Variants in C4orf51 observed in about 807,000 individuals in gnomAD.
The protein encoded by C4orf51 is uncharacterized protein C4orf51.
Under a neutral mutation model 25.2 loss-of-function variants are expected in C4orf51, and 25 were observed. That is an observed-to-expected ratio of 0.99 (90% confidence interval 0.72 to 1.39). C4orf51 has a LOEUF of 1.39. Among genes scored for constraint, C4orf51 ranks in the 40% most tolerant of loss-of-function variants. The pLI is 0.00. For missense variants in C4orf51, 252 were observed against 239.6 expected (o/e 1.05, Z -0.34); for synonymous variants, 100 against 84.5 (o/e 1.18, Z -1.01).
chr4:145,763,269 A>G lies in C4orf51; in HGVS notation n.167-7719A>G. ...GGACATTTCTGTGACCCACAGCTCAATCTTTCTTTCACTGCTCAGGCAAAG... is the reference window on the plus strand; with the variant it reads ...GGACATTTCTGTGACCCACAGCTCAGTCTTTCTTTCACTGCTCAGGCAAAG... On this transcript the variant is annotated intron_variant and non_coding_transcript_variant, in intron 1 of 1. Transcript: ENST00000510096. This position sits in a 1 kb window ranked among gnomAD's most constrained non-coding sequence, Gnocchi z 4.6. The G allele has an allele frequency of 1.2e-6, 1 of 837,144 alleles. No individual in the cohort carries two copies. 51.9% of individuals were successfully genotyped at this position (837,144 alleles called of 1,614,324 possible). A position where few individuals can be genotyped will look rare whatever the true frequency, so the allele number is the denominator to read the frequency against.
downstream of C4orf51, among the ~76,000 whole-genome samples, chr4:145,733,177 C>CCCCGGTCCGCCTCTT (rs1332532801): frequency 2.0e-5 from 3 of 152,120 alleles, no homozygotes; most frequent in African/African-American, 4.8e-5. Context: ...CCCCTCCCCT[C>CCCCGGTCCGCCTCTT]CCCGGTCCGC....
At chr4:145,764,151 T>C (rs948299588) in intron 1 of C4orf51, among the ~76,000 whole-genome samples, 3 of 152,266 alleles carry the variant, frequency 2.0e-5, no homozygotes, top group Non-Finnish European at 4.4e-5. Context: ...CATGATCGTT[T>C]AGCTGAGAAT....
chr4:145,708,531 G>A (rs557436228), intron 2 of C4orf51, among the ~76,000 whole-genome samples: 247 of 152,236 alleles, frequency 1.6e-3, no homozygotes, highest in African/African-American at 5.7e-3. Context: ...CATCCTTAGG[G>A]TTCCAGAATG....
intron 2 of C4orf51, among the ~76,000 whole-genome samples, chr4:145,697,992 T>C (rs983277763): frequency 1.3e-5 from 2 of 152,242 alleles, no homozygotes; most frequent in African/African-American, 4.8e-5. Flanking sequence ...ATAACACTTA[T>C]TTTTTAACTT....
chr4:145,767,430 G>C (rs1050183380), intron 1 of C4orf51, among the ~76,000 whole-genome samples: 1 of 152,108 alleles, frequency 6.6e-6, no homozygotes, highest in African/African-American at 2.4e-5. Flanking sequence ...TGGAATCCCT[G>C]GTGGGGTGGG....
chr4:145,693,339 A>G (rs1729739867), intron 1 of C4orf51, among the ~76,000 whole-genome samples: 1 of 150,970 alleles, frequency 6.6e-6, no homozygotes, highest in Non-Finnish European at 1.5e-5. Flanking sequence ...CAGAGAGCAC[A>G]GGGTTGGGGG....
the C4orf51 span, among the ~76,000 whole-genome samples, chr4:145,791,628 TA>T: frequency 2.9e-4 from 44 of 152,336 alleles, no homozygotes; most frequent in Admixed American, 5.9e-4. Context: ...ATAATTTGAA[TA>T]CACATATACT....
chr4:145,742,304 G>A (rs1336816270), intron 1 of C4orf51, among the ~76,000 whole-genome samples: 1 of 152,086 alleles, frequency 6.6e-6, no homozygotes, highest in Non-Finnish European at 1.5e-5. Context: ...CTCATGTGTT[G>A]ACAACTCCTC....
chr4:145,710,900 A>G (rs1731096069), intron 2 of C4orf51, among the ~76,000 whole-genome samples: 1 of 152,148 alleles, frequency 6.6e-6, no homozygotes, highest in Admixed American at 6.5e-5. Context: ...GAAAGCAAAG[A>G]TCACTTGGTG....
intron 2 of C4orf51, among the ~76,000 whole-genome samples, chr4:145,701,907 C>T (rs972677589): frequency 1.6e-4 from 25 of 152,144 alleles, no homozygotes; most frequent in African/African-American, 5.8e-4. Flanking sequence ...ACTACAGCCG[C>T]ATCTCATTGC....
chr4:145,703,618 ATTTG>A, intron 2 of C4orf51, among the ~76,000 whole-genome samples: 1 of 152,144 alleles, frequency 6.6e-6, no homozygotes, highest in Middle Eastern at 3.4e-3. Context: ...ATGTAGTTCC[ATTTG>A]TTTATTTTTG....
In C4orf51 at chr4:145,761,282, C is replaced by T. The variant is rs996900549; in HGVS notation, n.167-9706C>T. ...TCGCAGCTGAAGGTCTGGCGTGGGG[C>T]GTGCTTCAGCTTCTTGTGCAGGTTG... On this transcript the variant is annotated intron_variant and non_coding_transcript_variant, in intron 1 of 1. Coordinates refer to the C4orf51 transcript ENST00000510096. The surrounding 1 kb of genome is among the most constrained non-coding windows in gnomAD (Gnocchi z 6.8). The T allele has an allele frequency of 6.0e-5, 77 of 1,289,780 alleles. No individual in the cohort carries two copies. Among genetic ancestry groups the T allele is most frequent in the East Asian group, 2.2e-4 (4 of 18,030 alleles). 79.9% of individuals were successfully genotyped at this position (1,289,780 alleles called of 1,614,324 possible). A position where few individuals can be genotyped will look rare whatever the true frequency, so the allele number is the denominator to read the frequency against.
intron 2 of C4orf51, among the ~76,000 whole-genome samples, chr4:145,715,294 T>C (rs1260331239): frequency 6.6e-6 from 1 of 152,174 alleles, no homozygotes; most frequent in African/African-American, 2.4e-5. Context: ...AGTCTTTGCC[T>C]CTCTTCCCTG....
intron 1 of C4orf51, among the ~76,000 whole-genome samples, chr4:145,766,817 C>T (rs557147526): frequency 1.3e-5 from 2 of 152,252 alleles, no homozygotes; most frequent in East Asian, 1.9e-4. Flanking sequence ...ACACAATTTA[C>T]AGGGCATTAG....
At chr4:145,697,796 G>C (rs905501154) in intron 2 of C4orf51, among the ~76,000 whole-genome samples, 3 of 152,134 alleles carry the variant, frequency 2.0e-5, no homozygotes, top group African/African-American at 7.2e-5. Context: ...CTTGACTCTT[G>C]TGAATAATGC....
At chr4:145,711,200 T>A (rs1173397924) in intron 2 of C4orf51, among the ~76,000 whole-genome samples, 1 of 152,082 alleles carries the variant, frequency 6.6e-6, no homozygotes, top group African/African-American at 2.4e-5. Context: ...TAAGGAAAAA[T>A]TCACCACAAT....
chr4:145,768,858 C>CAA (rs1174930111), intron 1 of C4orf51, among the ~76,000 whole-genome samples: 271 of 4,540 alleles, frequency 0.06, 122 homozygotes, highest in Non-Finnish European at 0.091. Flanking sequence ...GACTCCGTCT[C>CAA]AAAAAAAAAA....
At position 145,763,272 on chromosome 4, in the gene C4orf51, T is replaced by C; in HGVS notation, n.167-7716T>C. The stretch of plus-strand genomic sequence containing the variant: ...CATTTCTGTGACCCACAGCTCAATC[T>C]TTCTTTCACTGCTCAGGCAAAGTGC... On this transcript the variant is annotated intron_variant and non_coding_transcript_variant, in intron 1 of 1. Coordinates refer to the C4orf51 transcript ENST00000510096. The surrounding 1 kb of genome is among the most constrained non-coding windows in gnomAD (Gnocchi z 4.6). 1.2e-6 allele frequency: 1 copy of C among 802,646 alleles called. No homozygotes were observed. The highest frequency in any genetic ancestry group is 2.7e-5 in the Admixed American group (1 of 37,146). 49.7% of individuals were successfully genotyped at this position (802,646 alleles called of 1,614,324 possible). A position where few individuals can be genotyped will look rare whatever the true frequency, so the allele number is the denominator to read the frequency against.
At chr4:145,774,634 T>A (rs1376397098), downstream of C4orf51, 1 of 1,613,860 alleles carries the variant, frequency 6.2e-7, no homozygotes, top group Non-Finnish European at 8.5e-7. Flanking sequence ...GCTGACAAAC[T>A]GGACATTGAG....
Sources: gnomAD v4.1 joint callset for allele counts (sites outside exome capture counted in the v4.1 genomes callset) on GRCh38, gnomAD v4.1.1 for gene constraint, Gnocchi (gnomAD v3.1) non-coding constraint, MANE v1.5 for transcripts, NCBI Gene and HGNC (gene_info 2026-07-23, HGNC 2026-07-21) for gene names.